The following CACNA2D1 variants were observed in gnomAD, a reference collection of about 807,000 sequenced individuals.
The protein encoded by CACNA2D1 is calcium voltage-gated channel auxiliary subunit alpha2delta 1.
Under a neutral mutation model 171.5 loss-of-function variants are expected in CACNA2D1, and 53 were observed. The observed-to-expected ratio is 0.31, with a 90% CI of 0.25 to 0.39. The LOEUF (loss-of-function observed/expected upper bound fraction) is 0.39, where lower values mean the gene tolerates loss of function less well. CACNA2D1 is among the 10% of genes least tolerant of loss of function. The probability of loss-of-function intolerance (pLI) is 1.00; values close to 1 mark genes in which losing one functional copy is unlikely to be tolerated. For synonymous variants in CACNA2D1, 442 were observed against 443.1 expected (o/e 1.00, Z 0.03); for missense variants, 903 against 1,299.8 (o/e 0.69, Z 4.69).
In CACNA2D1 at chr7:82,001,590, G is replaced by A; in HGVS notation, c.1590+3833C>T. ...GCTTTAATTATAAGCTTTAAGAACA[G>A]AAGCTTAATCCCAACTTGGATTTAG... On this transcript the variant is annotated intron_variant, in intron 18 of 38. Transcript: ENST00000356860. 32 of 479,886 alleles carry A rather than the reference G, an allele frequency of 6.7e-5. 1 individual carries two copies. Among genetic ancestry groups the A allele is most frequent in the South Asian group, 5.5e-4 (32 of 58,232 alleles). The allele number at this position is 479,886 out of a possible 1,614,324, so 29.7% of individuals were successfully genotyped here. A position where few individuals can be genotyped will look rare whatever the true frequency, so the allele number is the denominator to read the frequency against.
chr7:82,138,431 GTTTTTTTTGTTTTTTTTGT>G (rs1791945231), intron 4 of CACNA2D1, among the ~76,000 whole-genome samples: 1 of 74,108 alleles, frequency 1.3e-5, no homozygotes, highest in African/African-American at 5.8e-5. Flanking sequence ...CATTAGTTTT[GTTTTTTTTGTTTTTTTTGT>G]TTTTTTTTTT....
intron 16 of CACNA2D1, among the ~76,000 whole-genome samples, 176 bp from the exon 17 acceptor site, chr7:82,006,015 A>G (rs765140385): frequency 2.0e-5 from 3 of 151,508 alleles, no homozygotes; most frequent in Non-Finnish European, 4.4e-5. Context: ...TTTGTTTCCC[A>G]CAACTTTATC....
intron 1 of CACNA2D1, among the ~76,000 whole-genome samples, chr7:82,397,630 T>C (rs1825881760): frequency 2.0e-5 from 3 of 152,238 alleles, no homozygotes; most frequent in African/African-American, 7.2e-5. Context: ...ATGAGGTATC[T>C]GCACAAGGAG....
In CACNA2D1 at chr7:81,978,753, G is replaced by GTGCGTGTGTATA. The variant is rs145105210; in HGVS notation, c.1955+3813_1955+3814insTATACACACGCA. 5.4e-3 allele frequency among the ~76,000 whole-genome samples: 751 copies of GTGCGTGTGTATA among 139,448 alleles called. 4 individuals are homozygous for GTGCGTGTGTATA. The highest frequency in any genetic ancestry group is 0.011 in the South Asian group (50 of 4,464). 91.5% of individuals were successfully genotyped at this position (139,448 alleles called of 152,430 possible). ...TTAAAGTAAATTTTTTTTAAAAAGT[G>GTGCGTGTGTATA]TATATATATATATATATACACACAC... On this transcript the variant is annotated intron_variant, in intron 24 of 38. Transcript: ENST00000356860.
intron 4 of CACNA2D1, 65 bp from the exon 5 acceptor site, chr7:82,136,741 C>T (rs1442049389): frequency 5.0e-6 from 5 of 1,008,870 alleles, no homozygotes; most frequent in Admixed American, 4.5e-5. Flanking sequence ...ATACTGAATA[C>T]ATTTTATGCA....
chr7:82,415,630 C>T (rs1275517110), intron 1 of CACNA2D1, among the ~76,000 whole-genome samples: 1 of 152,036 alleles, frequency 6.6e-6, no homozygotes. Context: ...TTATGTATGA[C>T]TCTTACCCAG....
intron 3 of CACNA2D1, among the ~76,000 whole-genome samples, chr7:82,290,966 C>T (rs889624919): frequency 7.0e-6 from 1 of 143,714 alleles, no homozygotes; most frequent in African/African-American, 2.7e-5. Context: ...TCATTTTCTA[C>T]TTTCTTTTCT....
intron 1 of CACNA2D1, among the ~76,000 whole-genome samples, chr7:82,361,281 C>T (rs7804449): frequency 0.73 from 110,974 of 152,026 alleles, 40,828 homozygotes; most frequent in African/African-American, 0.83. Flanking sequence ...ACGTTTTTTA[C>T]CAAACTGTTT....
At position 81,956,685 on chromosome 7, in the gene CACNA2D1, C is replaced by G. The variant is rs1217699269; in HGVS notation, c.3159+2590G>C. On this transcript the variant is annotated intron_variant, in intron 38 of 38. Coordinates refer to ENST00000356860, the MANE Select transcript of CACNA2D1 (RefSeq NM_000722.4). ...TTCTACTCCCCACCCTCTATCACCC[C>G]TGCCTGTGAATTCACTCCATTCATA... Among the ~76,000 whole-genome samples, 15 of 152,224 alleles carry G rather than the reference C, an allele frequency of 9.9e-5. No individual in the cohort carries two copies. In the East Asian group the frequency reaches 2.9e-3, roughly 29 times the overall value.
At chr7:82,034,704 T>A (rs17155754) in intron 11 of CACNA2D1, among the ~76,000 whole-genome samples, 1 of 151,994 alleles carries the variant, frequency 6.6e-6, no homozygotes, top group East Asian at 1.9e-4. Context: ...TAAAGAACTA[T>A]CCTGTAAAAA....
chr7:81,961,168 T>C (rs912685415), intron 36 of CACNA2D1, among the ~76,000 whole-genome samples: 2 of 152,040 alleles, frequency 1.3e-5, no homozygotes, highest in Non-Finnish European at 2.9e-5. Context: ...GTCTCTACTC[T>C]GTGCTTTGTA....
intron 38 of CACNA2D1, among the ~76,000 whole-genome samples, chr7:81,950,922 G>GGGACT (rs2129941558): frequency 6.6e-6 from 1 of 152,038 alleles, no homozygotes; most frequent in South Asian, 2.1e-4. Context: ...GGTAAAGTTG[G>GGGACT]GGACTGGTAA....
At chr7:82,143,690 C>T (rs1373651271) in intron 4 of CACNA2D1, among the ~76,000 whole-genome samples, 3 of 152,082 alleles carry the variant, frequency 2.0e-5, no homozygotes, top group Non-Finnish European at 2.9e-5. Context: ...TGCTCCAGAC[C>T]TGTGTGATTC....
At chr7:82,015,421 C>T (rs1201926310) in intron 12 of CACNA2D1, among the ~76,000 whole-genome samples, 2 of 151,946 alleles carry the variant, frequency 1.3e-5, no homozygotes, top group African/African-American at 2.4e-5. Flanking sequence ...TCCTAACATG[C>T]TATAAAGTAT....
intron 3 of CACNA2D1, among the ~76,000 whole-genome samples, chr7:82,299,999 A>G (rs1812804402): frequency 6.6e-6 from 1 of 152,188 alleles, no homozygotes; most frequent in South Asian, 2.1e-4. Context: ...TTAGGAGACA[A>G]TGAAACAAAC....
At chr7:82,042,210 T>C (rs1385187333) in intron 10 of CACNA2D1, among the ~76,000 whole-genome samples, 3 of 152,192 alleles carry the variant, frequency 2.0e-5, no homozygotes, top group African/African-American at 4.8e-5. Flanking sequence ...TACAATCAGA[T>C]AAGACTATAT....
At chr7:82,286,351 AAGAAACAGATT>A (rs1253345869) in intron 3 of CACNA2D1, among the ~76,000 whole-genome samples, 5 of 152,092 alleles carry the variant, frequency 3.3e-5, no homozygotes, top group African/African-American at 4.8e-5. Context: ...CTTGCTGAAA[AAGAAACAGATT>A]TATAATCACT....
At chr7:82,269,761 G>T (rs1451373269) in intron 3 of CACNA2D1, among the ~76,000 whole-genome samples, 2 of 152,040 alleles carry the variant, frequency 1.3e-5, no homozygotes, top group Non-Finnish European at 2.9e-5. Context: ...GAAGAAAGTG[G>T]CAGACAAGAA....
intron 7 of CACNA2D1, among the ~76,000 whole-genome samples, chr7:82,077,423 A>T (rs1032436080): frequency 3.9e-5 from 6 of 152,230 alleles, no homozygotes; most frequent in African/African-American, 1.4e-4. Context: ...AAAGAGCACA[A>T]GTAACAACAA....
Sources: gnomAD v4.1 joint callset for allele counts (sites outside exome capture counted in the v4.1 genomes callset) on GRCh38, gnomAD v4.1.1 for gene constraint, MANE v1.5 for transcripts, NCBI Gene and HGNC (gene_info 2026-07-23, HGNC 2026-07-21) for gene names.